PAPPA2: variants seen among roughly 807,000 people sequenced by gnomAD.
The protein encoded by PAPPA2 is pappalysin 2.
A neutral mutation model predicts 176.4 loss-of-function variants in PAPPA2; 86 were observed. The observed-to-expected ratio is 0.49, with a 90% confidence interval of 0.41 to 0.58. PAPPA2 has a LOEUF of 0.58. PAPPA2 is among the 20% of genes least tolerant of loss of function. The probability of loss-of-function intolerance (pLI) is 0.00; values close to 1 mark genes in which losing one functional copy is unlikely to be tolerated. For synonymous variants in PAPPA2, 809 were observed against 852.2 expected (o/e 0.95, Z 0.88); for missense variants, 2,073 against 2,256.9 (o/e 0.92, Z 1.65).
Position 176,702,639 on chromosome 1 carries a change from A to G in PAPPA2, c.3269A>G (p.Gln1090Arg). Residue 1090 changes from glutamine to arginine, a missense_variant, in exon 9 of 23, where the codon CAA becomes CGA. Around this residue, in one of 4 missense-constraint regions of PAPPA2, gnomAD observed 846 missense variants for 857.9 expected, o/e 0.99. Coordinates refer to ENST00000367662, the MANE Select transcript of PAPPA2 (RefSeq NM_020318.3). ...EVTPGQMYQY[Q>R]VLAEAGGELG... is the part of the protein sequence containing the mutation. ...ACACCTGGACAGATGTATCAGTACC[A>G]AGTTCTAGCTGAAGCTGGAGGAGAA... The G allele has an allele frequency of 6.2e-7, 1 of 1,614,066 alleles. No individual in the cohort carries two copies. Among genetic ancestry groups the G allele is most frequent in the Non-Finnish European group, 8.5e-7 (1 of 1,180,000 alleles).
At chr1:176,647,101 A>G (rs976794825) in intron 3 of PAPPA2, among the ~76,000 whole-genome samples, 1 of 151,538 alleles carries the variant, frequency 6.6e-6, no homozygotes, top group African/African-American at 2.4e-5. Context: ...GATAAAAGCC[A>G]TTTTAACTAG....
intron 12 of PAPPA2, among the ~76,000 whole-genome samples, chr1:176,738,639 G>A (rs1662528960): frequency 6.6e-6 from 1 of 152,054 alleles, no homozygotes; most frequent in Admixed American, 6.6e-5. Flanking sequence ...TCCAGATTCT[G>A]ATCATACAAC....
chr1:176,813,508 T>G (rs1434944651), intron 21 of PAPPA2, among the ~76,000 whole-genome samples: 1 of 152,234 alleles, frequency 6.6e-6, no homozygotes, highest in East Asian at 1.9e-4. Flanking sequence ...GATATCTCAT[T>G]GTGGTTTTGA....
intron 14 of PAPPA2, among the ~76,000 whole-genome samples, chr1:176,757,365 T>C (rs866391833): frequency 6.6e-6 from 1 of 152,316 alleles, no homozygotes; most frequent in South Asian, 2.1e-4. Context: ...CTCTCCAGCA[T>C]CTGTTCTTTC....
At chr1:176,708,176 T>G (rs747312274) in intron 10 of PAPPA2, among the ~76,000 whole-genome samples, 2 of 152,160 alleles carry the variant, frequency 1.3e-5, no homozygotes, top group Non-Finnish European at 2.9e-5. Flanking sequence ...CAGACCTTAA[T>G]TTGTGTCTAT....
intron 19 of PAPPA2, 105 bp from the exon 20 acceptor site, chr1:176,793,455 G>A: frequency 1.1e-6 from 1 of 920,280 alleles, no homozygotes; most frequent in Non-Finnish European, 1.7e-6. Context: ...GGTGACCCAT[G>A]ATGAAAGCAG....
At chr1:176,594,469 A>T (rs933372385) in intron 2 of PAPPA2, 55 bp from the exon 3 acceptor site, 1 of 1,439,744 alleles carries the variant, frequency 6.9e-7, no homozygotes, top group Non-Finnish European at 9.5e-7. Context: ...CCCTTTCTCC[A>T]TTCCCCTTTG....
chr1:176,761,311 T>G (rs1663689619), intron 14 of PAPPA2, among the ~76,000 whole-genome samples: 1 of 152,196 alleles, frequency 6.6e-6, no homozygotes, highest in Admixed American at 6.5e-5. Flanking sequence ...ATCCTTTGGC[T>G]TAAAACACTG....
chr1:176,747,137 A>G (rs1164777546), intron 14 of PAPPA2, among the ~76,000 whole-genome samples: 1 of 152,212 alleles, frequency 6.6e-6, no homozygotes, highest in East Asian at 1.9e-4. Context: ...ATTCATGTCT[A>G]CTACTCTTCA....
At chr1:176,565,456 A>T (rs1323221775) in intron 2 of PAPPA2, among the ~76,000 whole-genome samples, 4 of 152,156 alleles carry the variant, frequency 2.6e-5, no homozygotes, top group Non-Finnish European at 5.9e-5. Flanking sequence ...GCACTTTGGG[A>T]GGCTGAGGCA....
chr1:176,516,848 G>A (rs895887394), intron 1 of PAPPA2, among the ~76,000 whole-genome samples: 2 of 152,142 alleles, frequency 1.3e-5, no homozygotes, highest in African/African-American at 4.8e-5. Context: ...AATCTGATTG[G>A]TTCTCAAAGA....
intron 2 of PAPPA2, among the ~76,000 whole-genome samples, chr1:176,563,148 A>G (rs193234951): frequency 2.3e-4 from 35 of 152,372 alleles, no homozygotes; most frequent in Non-Finnish European, 1.0e-4. Context: ...TAGACAAAAT[A>G]GAAATTTAGA....
chr1:176,841,575 T>C (rs16850240), intron 22 of PAPPA2, among the ~76,000 whole-genome samples: 11,487 of 152,120 alleles, frequency 0.076, 1,476 homozygotes, highest in African/African-American at 0.26. Flanking sequence ...GCCACTTTTA[T>C]ATCACCTCTC....
At chr1:176,526,104 C>G (rs1649488185) in intron 1 of PAPPA2, among the ~76,000 whole-genome samples, 1 of 152,192 alleles carries the variant, frequency 6.6e-6, no homozygotes, top group African/African-American at 2.4e-5. Flanking sequence ...AACTCTGAAG[C>G]TGTTTATGGA....
chr1:176,506,184 TTTCTG>T (rs1301178237), intron 1 of PAPPA2, among the ~76,000 whole-genome samples: 1 of 152,088 alleles, frequency 6.6e-6, no homozygotes, highest in Non-Finnish European at 1.5e-5. Flanking sequence ...ATTTCTGAAT[TTTCTG>T]TTCTGTTCCA....
intron 3 of PAPPA2, among the ~76,000 whole-genome samples, chr1:176,651,601 G>C (rs1657730802): frequency 6.6e-6 from 1 of 151,218 alleles, no homozygotes; most frequent in Admixed American, 6.6e-5. Flanking sequence ...AGACTTATTT[G>C]GTTCAATTCT....
At chr1:176,465,867 G>A (rs1173489805) in intron 1 of PAPPA2, among the ~76,000 whole-genome samples, 1 of 151,986 alleles carries the variant, frequency 6.6e-6, no homozygotes, top group Non-Finnish European at 1.5e-5. Context: ...TCATCATTTA[G>A]CTTCCTTTTG....
chr1:176,581,519 AG>A (rs1483375694), intron 2 of PAPPA2, among the ~76,000 whole-genome samples: 1 of 152,146 alleles, frequency 6.6e-6, no homozygotes, highest in Non-Finnish European at 1.5e-5. Flanking sequence ...GTATTTTGAT[AG>A]GGGTTGCATT....
intron 21 of PAPPA2, among the ~76,000 whole-genome samples, chr1:176,822,333 A>G (rs535800229): frequency 6.6e-6 from 1 of 152,262 alleles, no homozygotes; most frequent in East Asian, 1.9e-4. Context: ...AGCAGTGAGG[A>G]ACATCCACTT....
Sources: allele counts gnomAD v4.1 joint callset (sites outside exome capture counted in the v4.1 genomes callset), GRCh38; gene constraint gnomAD v4.1.1; regional missense constraint gnomAD v4.1.1; transcripts MANE v1.5; gene names NCBI Gene and HGNC (gene_info 2026-07-23, HGNC 2026-07-21).